Variants in KDM4C observed in about 807,000 individuals in gnomAD.
KDM4C encodes the protein lysine-specific demethylase 4C.
KDM4C carries 81 observed loss-of-function variants against 129.3 expected under a neutral mutation model. The observed-to-expected ratio is 0.63, with a 90% CI of 0.52 to 0.75. The LOEUF (loss-of-function observed/expected upper bound fraction) is 0.75, where lower values mean the gene tolerates loss of function less well. Ranked by LOEUF, KDM4C falls within the 30% of genes least tolerant of loss-of-function variation. The pLI, the probability that KDM4C is intolerant of heterozygous loss-of-function variation, is 0.00. For missense variants in KDM4C, 1,457 were observed against 1,304.0 expected (o/e 1.12, Z -1.81); for synonymous variants, 573 against 456.1 (o/e 1.26, Z -3.26).
chr9:6,786,315 A>G (rs1825485216), intron 1 of KDM4C, among the ~76,000 whole-genome samples: 1 of 152,228 alleles, frequency 6.6e-6, no homozygotes, highest in Non-Finnish European at 1.5e-5. Flanking sequence ...TCAGAAACAA[A>G]CATGGGTTGT....
At chr9:7,062,281 T>G (rs890679892) in intron 17 of KDM4C, among the ~76,000 whole-genome samples, 6 of 152,156 alleles carry the variant, frequency 3.9e-5, no homozygotes, top group African/African-American at 1.4e-4. Context: ...TTTGGCTTTT[T>G]TATTTTGCCT....
intron 8 of KDM4C, among the ~76,000 whole-genome samples, chr9:6,921,318 A>G (rs1470236700): frequency 6.6e-6 from 1 of 152,214 alleles, no homozygotes; most frequent in African/African-American, 2.4e-5. Flanking sequence ...AAGGCTGATT[A>G]CTTCACACGT....
chr9:7,164,388 G>A (rs1844143688), intron 19 of KDM4C, among the ~76,000 whole-genome samples: 1 of 150,210 alleles, frequency 6.7e-6, no homozygotes, highest in African/African-American at 2.4e-5. Flanking sequence ...TAATCACCTG[G>A]GGAGTTTGCT....
intron 3 of KDM4C, among the ~76,000 whole-genome samples, chr9:6,812,779 G>C (rs1831400225): frequency 1.3e-5 from 2 of 152,198 alleles, no homozygotes; most frequent in Non-Finnish European, 2.9e-5. Flanking sequence ...TAGTTAGCTT[G>C]CTTAGCTTGT....
chr9:6,778,110 GAC>G (rs1823485614), intron 1 of KDM4C, among the ~76,000 whole-genome samples: 1 of 143,428 alleles, frequency 7.0e-6, no homozygotes, highest in South Asian at 2.2e-4. Flanking sequence ...TTTTTTTTGA[GAC>G]AGAGTCTTGC....
chr9:6,880,616 T>C (rs1323199438), intron 6 of KDM4C, among the ~76,000 whole-genome samples: 1 of 152,188 alleles, frequency 6.6e-6, no homozygotes, highest in Non-Finnish European at 1.5e-5. Flanking sequence ...TTTTGGGCCT[T>C]CTTGGACTGG....
chr9:6,996,612 C>G (rs762376506), intron 12 of KDM4C, among the ~76,000 whole-genome samples: 2 of 152,140 alleles, frequency 1.3e-5, no homozygotes, highest in Non-Finnish European at 2.9e-5. Flanking sequence ...ACAAGCCGTG[C>G]TAGTGTACAG....
intron 12 of KDM4C, among the ~76,000 whole-genome samples, chr9:7,002,211 C>G (rs1219815174): frequency 6.6e-6 from 1 of 152,144 alleles, no homozygotes; most frequent in Non-Finnish European, 1.5e-5. Flanking sequence ...TAGTTTTGAA[C>G]TCCATAAAGG....
chr9:6,797,711 C>G (rs553804757), intron 2 of KDM4C, among the ~76,000 whole-genome samples: 7 of 152,324 alleles, frequency 4.6e-5, no homozygotes, highest in African/African-American at 1.4e-4. Flanking sequence ...TCTTTGCTCA[C>G]AAGGTGAAGA....
chr9:7,057,765 C>T (rs983519014), intron 17 of KDM4C, among the ~76,000 whole-genome samples: 1 of 152,180 alleles, frequency 6.6e-6, no homozygotes, highest in African/African-American at 2.4e-5. Flanking sequence ...TCCGAGGGAG[C>T]AGGGCATAGA....
At chr9:7,126,752 C>T (rs768008782) in intron 18 of KDM4C, among the ~76,000 whole-genome samples, 4 of 151,952 alleles carry the variant, frequency 2.6e-5, no homozygotes, top group Non-Finnish European at 5.9e-5. Context: ...AATGTCACTG[C>T]CCCTCTAAAC....
intron 4 of KDM4C, among the ~76,000 whole-genome samples, chr9:6,823,036 C>T (rs972059426): frequency 7.9e-5 from 12 of 152,180 alleles, no homozygotes; most frequent in African/African-American, 2.4e-4. Context: ...TGATTCTTCT[C>T]GTGGTAATGC....
At chr9:6,954,715 G>C (rs1471286287) in intron 8 of KDM4C, among the ~76,000 whole-genome samples, 1 of 152,156 alleles carries the variant, frequency 6.6e-6, no homozygotes. Context: ...CTTCTTAAAA[G>C]TACCTAGCCC....
intron 15 of KDM4C, among the ~76,000 whole-genome samples, chr9:7,031,204 C>G (rs905318060): frequency 4.0e-5 from 6 of 151,134 alleles, no homozygotes; most frequent in Non-Finnish European, 4.4e-5. Context: ...GCTCTGTTGC[C>G]CAGGCTGGAG....
intron 15 of KDM4C, among the ~76,000 whole-genome samples, chr9:7,044,587 C>T (rs1829111348): frequency 6.6e-6 from 1 of 151,784 alleles, no homozygotes; most frequent in Admixed American, 6.6e-5. Flanking sequence ...ATGTGTCCTC[C>T]AATATGAGCT....
intron 4 of KDM4C, among the ~76,000 whole-genome samples, chr9:6,829,483 A>T (rs1834436775): frequency 6.6e-6 from 1 of 152,244 alleles, no homozygotes; most frequent in Non-Finnish European, 1.5e-5. Context: ...TGGTGAACAT[A>T]AAGTCATTGA....
chr9:7,083,287 T>A (rs1054267253), intron 17 of KDM4C, among the ~76,000 whole-genome samples: 2 of 152,264 alleles, frequency 1.3e-5, no homozygotes, highest in African/African-American at 4.8e-5. Context: ...AATACTCCAA[T>A]GGGCATTTCT....
rs569944170 is a variant in KDM4C, at chr9:6,758,624, C to G, written c.-18+421C>G. Among the ~76,000 whole-genome samples the G allele has an allele frequency of 6.6e-5, 10 of 152,246 alleles. No individual in the cohort carries two copies. The South Asian group carries it at 1.9e-3, about 28-fold the overall frequency. On this transcript the variant is annotated intron_variant, in intron 1 of 21. Coordinates refer to ENST00000381309, the MANE Select transcript of KDM4C (RefSeq NM_015061.6). The surrounding 1 kb of genome is among the most constrained non-coding windows in gnomAD (Gnocchi z 4.6). ...GGCCCTCCCTTCCCTGGGAGTGTCA[C>G]GACCCGCGGGGTGAGGGTGGGAGCT...
At chr9:7,015,819 A>G in intron 14 of KDM4C, 34 bp from the exon 15 acceptor site, 1 of 1,422,594 alleles carries the variant, frequency 7.0e-7, no homozygotes, top group South Asian at 1.2e-5. Context: ...GGTGAAAAAG[A>G]CCTAACGCAT....
Sources: gnomAD v4.1 joint callset for allele counts (sites outside exome capture counted in the v4.1 genomes callset) on GRCh38, gnomAD v4.1.1 for gene constraint, Gnocchi (gnomAD v3.1) non-coding constraint, MANE v1.5 for transcripts, NCBI Gene and HGNC (gene_info 2026-07-23, HGNC 2026-07-21) for gene names.